KLRG1: variants seen among roughly 807,000 people sequenced by gnomAD.
The protein encoded by KLRG1 is killer cell lectin-like receptor subfamily G member 1.
Under a neutral mutation model 21.8 loss-of-function variants are expected in KLRG1, and 16 were observed. The ratio of observed to expected loss-of-function variants is 0.73; its 90% CI spans 0.50 to 1.11. KLRG1 has a LOEUF of 1.11. Ranked by LOEUF, KLRG1 falls within the 50% of genes most tolerant of loss-of-function variation. The pLI, the probability that KLRG1 is intolerant of heterozygous loss-of-function variation, is 0.00. For missense variants in KLRG1, 173 were observed against 218.3 expected, an observed-to-expected ratio of 0.79 and a Z score of 1.31; for synonymous variants, 69 against 75.9, an observed-to-expected ratio of 0.91 and a Z score of 0.47.
the KLRG1 span, among the ~76,000 whole-genome samples, chr12:9,177,402 C>T: frequency 1.3e-5 from 2 of 152,174 alleles, no homozygotes. Flanking sequence ...CAGGTGGCTG[C>T]AGCTTTGGCC....
At chr12:8,985,811 C>T (rs954630154), upstream of KLRG1, among the ~76,000 whole-genome samples, 1 of 152,172 alleles carries the variant, frequency 6.6e-6, no homozygotes, top group Non-Finnish European at 1.5e-5. Flanking sequence ...TGACACAGTT[C>T]TCTTGGGTTT....
the KLRG1 span, among the ~76,000 whole-genome samples, chr12:9,194,598 G>A: frequency 6.6e-6 from 1 of 151,784 alleles, no homozygotes; most frequent in Non-Finnish European, 1.5e-5. Flanking sequence ...CCGAGTAGCT[G>A]GGACTACAGG....
chr12:9,145,876 G>A, the KLRG1 span, among the ~76,000 whole-genome samples: 1 of 152,094 alleles, frequency 6.6e-6, no homozygotes, highest in Non-Finnish European at 1.5e-5. Context: ...CTGCCTTCTG[G>A]ACTGCAAATT....
At chr12:9,113,172 C>G in the KLRG1 span, among the ~76,000 whole-genome samples, 6 of 149,654 alleles carry the variant, frequency 4.0e-5, no homozygotes, top group Non-Finnish European at 7.4e-5. Context: ...TTTAGTTTGC[C>G]TGTAAATATT....
the KLRG1 span, chr12:9,069,825 T>C: frequency 1.9e-6 from 3 of 1,612,710 alleles, 1 homozygote; most frequent in South Asian, 3.3e-5. Context: ...TGAAGAAAAT[T>C]GAAATACCAC....
chr12:9,095,942 G>A, the KLRG1 span, among the ~76,000 whole-genome samples: 4 of 151,030 alleles, frequency 2.6e-5, no homozygotes, highest in African/African-American at 9.7e-5. Flanking sequence ...TGTATTTTTA[G>A]TAGAGACGGG....
intron 1 of KLRG1, among the ~76,000 whole-genome samples, chr12:8,955,907 C>A (rs974270323): frequency 6.6e-6 from 1 of 152,044 alleles, no homozygotes. Context: ...AGTGAGAACT[C>A]CCGCAATGCC....
the KLRG1 span, among the ~76,000 whole-genome samples, chr12:9,105,702 A>T: frequency 6.6e-6 from 1 of 152,180 alleles, no homozygotes; most frequent in Non-Finnish European, 1.5e-5. Context: ...GCAGTGTTTT[A>T]CCCCATGTTC....
At chr12:9,044,454 C>A in the KLRG1 span, among the ~76,000 whole-genome samples, 1 of 152,126 alleles carries the variant, frequency 6.6e-6, no homozygotes, top group African/African-American at 2.4e-5. Context: ...CACTTGAGGT[C>A]AGGAGTTTGC....
At chr12:9,142,712 C>G in the KLRG1 span, among the ~76,000 whole-genome samples, 3 of 152,090 alleles carry the variant, frequency 2.0e-5, no homozygotes, top group Non-Finnish European at 4.4e-5. Context: ...GGATTATTGG[C>G]CTTTGGGTGA....
the KLRG1 span, chr12:9,079,382 G>A: frequency 6.5e-7 from 1 of 1,542,604 alleles, no homozygotes; most frequent in East Asian, 2.2e-5. Flanking sequence ...TGCATGCTGA[G>A]GGTGGAGAAA....
the KLRG1 span, among the ~76,000 whole-genome samples, chr12:9,214,292 C>A: frequency 6.6e-6 from 1 of 151,742 alleles, no homozygotes. Flanking sequence ...CTTTTTTTCC[C>A]TTCAACATTG....
At chr12:9,029,944 G>A in the KLRG1 span, among the ~76,000 whole-genome samples, 29 of 152,052 alleles carry the variant, frequency 1.9e-4, no homozygotes, top group African/African-American at 6.8e-4. Flanking sequence ...AGCAGAGACA[G>A]GGTTTCGCCA....
At chr12:9,008,545 C>G (rs1251236932) in intron 3 of KLRG1, among the ~76,000 whole-genome samples, 2 of 152,228 alleles carry the variant, frequency 1.3e-5, no homozygotes, top group Non-Finnish European at 2.9e-5. Flanking sequence ...AGATGTTTCT[C>G]TCTCTCAGTT....
the KLRG1 span, chr12:9,182,076 C>A: frequency 6.2e-7 from 1 of 1,613,414 alleles, no homozygotes; most frequent in Non-Finnish European, 8.5e-7. Context: ...ATGGGGGCAA[C>A]GTCTGACTCC....
chr12:9,116,347 T>G, the KLRG1 span: 1 of 179,040 alleles, frequency 5.6e-6, no homozygotes, highest in East Asian at 1.3e-4. Context: ...CCTAAATGTT[T>G]GAAGCCACAT....
the KLRG1 span, chr12:9,150,786 C>G: frequency 8.1e-7 from 1 of 1,241,038 alleles, no homozygotes; most frequent in Non-Finnish European, 1.2e-6. Flanking sequence ...CCTAGAAAAC[C>G]TCCTTCTTTC....
downstream of KLRG1, among the ~76,000 whole-genome samples, chr12:9,012,331 T>G (rs1947643402): frequency 6.6e-6 from 1 of 152,126 alleles, no homozygotes; most frequent in Admixed American, 6.5e-5. Context: ...AGGTCCCTAT[T>G]CTGGGACCTA....
chr12:9,182,161 A>AAAATGGTCATAAGTGAGACG, the KLRG1 span: 3 of 1,574,526 alleles, frequency 1.9e-6, no homozygotes, highest in Admixed American at 3.6e-5. Flanking sequence ...TAAGTGAGAC[A>AAAATGGTCATAAGTGAGACG]AAAAGGTCAT....
Sources: gnomAD v4.1 joint callset for allele counts (sites outside exome capture counted in the v4.1 genomes callset) on GRCh38, gnomAD v4.1.1 for gene constraint, MANE v1.5 for transcripts, NCBI Gene and HGNC (gene_info 2026-07-23, HGNC 2026-07-21) for gene names.